NRG3: variants seen among roughly 807,000 people sequenced by gnomAD.
The protein encoded by NRG3 is neuregulin 3.
Under a neutral mutation model 66.9 loss-of-function variants are expected in NRG3, and 31 were observed. That is an observed-to-expected ratio of 0.46 (90% CI 0.35 to 0.63). The LOEUF is 0.63. Among genes scored for constraint, NRG3 ranks in the 20% least tolerant of loss-of-function variants. The pLI, the probability that NRG3 is intolerant of heterozygous loss-of-function variation, is 0.00. For synonymous variants in NRG3, 393 were observed against 359.4 expected (o/e 1.09, Z -1.06); for missense variants, 910 against 878.9 (o/e 1.04, Z -0.45).
At chr10:82,176,091 G>C (rs2073012205) in intron 1 of NRG3, among the ~76,000 whole-genome samples, 1 of 152,176 alleles carries the variant, frequency 6.6e-6, no homozygotes, top group South Asian at 2.1e-4. Context: ...AACAACAGGA[G>C]CAAGTTTCTT....
At chr10:82,781,170 C>A (rs2060105317) in intron 3 of NRG3, among the ~76,000 whole-genome samples, 2 of 152,168 alleles carry the variant, frequency 1.3e-5, no homozygotes, top group South Asian at 4.1e-4. Flanking sequence ...CTTTCCACAT[C>A]TCAGAGTCCT....
chr10:82,408,071 G>GAC, intron 2 of NRG3, among the ~76,000 whole-genome samples: 2 of 133,112 alleles, frequency 1.5e-5, no homozygotes, highest in African/African-American at 6.3e-5. Context: ...GAGAGAGAGA[G>GAC]AGAGAGAGAG....
chr10:82,354,595 T>C (rs1271766505), intron 1 of NRG3, among the ~76,000 whole-genome samples: 1 of 152,126 alleles, frequency 6.6e-6, no homozygotes, highest in Non-Finnish European at 1.5e-5. Flanking sequence ...TTTCACCATG[T>C]TGGCCAGGCT....
chr10:82,032,452 A>G (rs1232048630), intron 1 of NRG3, among the ~76,000 whole-genome samples: 1 of 151,922 alleles, frequency 6.6e-6, no homozygotes, highest in Non-Finnish European at 1.5e-5. Flanking sequence ...TTGTGCTGGT[A>G]TGCTATTTTT....
At chr10:82,552,635 A>G (rs1342889439) in intron 2 of NRG3, among the ~76,000 whole-genome samples, 1 of 152,140 alleles carries the variant, frequency 6.6e-6, no homozygotes, top group Admixed American at 6.5e-5. Context: ...TAAAACTGCA[A>G]TAGAAGTCAG....
At chr10:82,723,811 C>T (rs2057439181) in intron 2 of NRG3, among the ~76,000 whole-genome samples, 1 of 151,868 alleles carries the variant, frequency 6.6e-6, no homozygotes, top group Non-Finnish European at 1.5e-5. Context: ...GAAACCCCAT[C>T]TCTACCAAAA....
chr10:82,224,821 T>C (rs2076097670), intron 1 of NRG3, among the ~76,000 whole-genome samples: 1 of 152,078 alleles, frequency 6.6e-6, no homozygotes, highest in African/African-American at 2.4e-5. Flanking sequence ...GTAAAAATCA[T>C]AGGAAAGAGG....
intron 4 of NRG3, among the ~76,000 whole-genome samples, chr10:82,925,049 C>G (rs1214257211): frequency 3.3e-5 from 5 of 152,108 alleles, no homozygotes; most frequent in African/African-American, 4.8e-5. Flanking sequence ...GCCACGAAAA[C>G]CCTGTACAGA....
intron 2 of NRG3, among the ~76,000 whole-genome samples, chr10:82,393,131 G>A (rs1488285669): frequency 6.6e-6 from 1 of 151,982 alleles, no homozygotes; most frequent in Non-Finnish European, 1.5e-5. Context: ...GGACCCTTTG[G>A]CAATTCAAAG....
chr10:82,977,298 A>G (rs936732562), intron 7 of NRG3, among the ~76,000 whole-genome samples: 1 of 152,072 alleles, frequency 6.6e-6, no homozygotes, highest in Non-Finnish European at 1.5e-5. Context: ...GCATTTGGGG[A>G]CACACCATAT....
chr10:82,678,720 T>C (rs1013237109), intron 2 of NRG3, among the ~76,000 whole-genome samples: 1 of 152,122 alleles, frequency 6.6e-6, no homozygotes, highest in Non-Finnish European at 1.5e-5. Context: ...CCTGACTACC[T>C]ACTCCAACAG....
chr10:82,918,155 A>C (rs921488562), intron 4 of NRG3, among the ~76,000 whole-genome samples: 10 of 152,028 alleles, frequency 6.6e-5, no homozygotes, highest in Non-Finnish European at 1.3e-4. Flanking sequence ...TTTAAAAATA[A>C]ATGGCTGAGC....
intron 1 of NRG3, among the ~76,000 whole-genome samples, chr10:82,302,271 T>C (rs1434131894): frequency 6.6e-6 from 1 of 152,052 alleles, no homozygotes; most frequent in African/African-American, 2.4e-5. Flanking sequence ...GCAAAAAAAA[T>C]CTATATCATA....
At chr10:82,119,732 T>A (rs2067965420) in intron 1 of NRG3, among the ~76,000 whole-genome samples, 1 of 152,174 alleles carries the variant, frequency 6.6e-6, no homozygotes, top group East Asian at 1.9e-4. Flanking sequence ...CTTCTTTATC[T>A]TTTGACTTGT....
At chr10:82,789,836 G>A (rs745779151) in intron 3 of NRG3, among the ~76,000 whole-genome samples, 2 of 149,768 alleles carry the variant, frequency 1.3e-5, no homozygotes, top group African/African-American at 2.5e-5. Context: ...TTTTTTTAAC[G>A]ATGTAATTTT....
At chr10:82,614,394 A>G (rs2048508707) in intron 2 of NRG3, among the ~76,000 whole-genome samples, 1 of 152,354 alleles carries the variant, frequency 6.6e-6, no homozygotes, top group East Asian at 1.9e-4. Flanking sequence ...TATAAATACT[A>G]GAGCTTTATG....
At chr10:81,928,956 G>A (rs1847083549) in intron 1 of NRG3, among the ~76,000 whole-genome samples, 1 of 152,012 alleles carries the variant, frequency 6.6e-6, no homozygotes, top group Non-Finnish European at 1.5e-5. Flanking sequence ...CAAGTAGCTG[G>A]GGCCACAGTC....
chr10:82,370,149 G>T (rs2084785452), intron 2 of NRG3, among the ~76,000 whole-genome samples: 1 of 139,254 alleles, frequency 7.2e-6, no homozygotes, highest in Non-Finnish European at 1.5e-5. Flanking sequence ...GGGGGCCAGT[G>T]TGACAGCCTT....
intron 3 of NRG3, among the ~76,000 whole-genome samples, chr10:82,859,945 G>C (rs2064028160): frequency 6.6e-6 from 1 of 151,970 alleles, no homozygotes; most frequent in East Asian, 1.9e-4. Flanking sequence ...CATTCATTTT[G>C]TCTTGCTAGA....
Sources: allele counts gnomAD v4.1 joint callset (sites outside exome capture counted in the v4.1 genomes callset), GRCh38; gene constraint gnomAD v4.1.1; transcripts MANE v1.5; gene names NCBI Gene and HGNC (gene_info 2026-07-23, HGNC 2026-07-21).